The following CNTNAP2 variants were observed in gnomAD, a reference collection of about 807,000 sequenced individuals.
The protein encoded by CNTNAP2 is contactin associated protein 2.
Under a neutral mutation model 155.2 loss-of-function variants are expected in CNTNAP2, and 98 were observed. The observed-to-expected ratio is 0.63, with a 90% CI of 0.54 to 0.75. The LOEUF is 0.75. CNTNAP2 is among the 30% of genes least tolerant of loss of function. The pLI, the probability that CNTNAP2 is intolerant of heterozygous loss-of-function variation, is 0.00. For missense variants in CNTNAP2, 1,727 were observed against 1,688.1 expected (o/e 1.02, Z -0.40); for synonymous variants, 651 against 631.2 (o/e 1.03, Z -0.47).
At chr7:147,331,134 T>C (rs1795558701) in intron 9 of CNTNAP2, among the ~76,000 whole-genome samples, 1 of 151,892 alleles carries the variant, frequency 6.6e-6, no homozygotes, top group Non-Finnish European at 1.5e-5. Flanking sequence ...AAGCAGGAAA[T>C]TATGCACCTG....
At chr7:146,861,039 T>G (rs1034784872) in intron 3 of CNTNAP2, among the ~76,000 whole-genome samples, 11 of 152,116 alleles carry the variant, frequency 7.2e-5, no homozygotes, top group Non-Finnish European at 1.5e-5. Context: ...CGTTTTAATT[T>G]ATTTTCTTTT....
At chr7:148,256,215 T>A (rs1796451015) in intron 20 of CNTNAP2, among the ~76,000 whole-genome samples, 1 of 151,996 alleles carries the variant, frequency 6.6e-6, no homozygotes, top group Non-Finnish European at 1.5e-5. Context: ...CCAAAACCGG[T>A]CGAAGTTGAA....
At chr7:148,357,500 G>A (rs1798539691) in intron 21 of CNTNAP2, among the ~76,000 whole-genome samples, 1 of 152,088 alleles carries the variant, frequency 6.6e-6, no homozygotes, top group African/African-American at 2.4e-5. Flanking sequence ...GCAAATTGTA[G>A]CCCCCGTTCA....
chr7:146,122,406 T>C (rs1376017779), intron 1 of CNTNAP2, among the ~76,000 whole-genome samples: 1 of 152,242 alleles, frequency 6.6e-6, no homozygotes, highest in East Asian at 1.9e-4. Context: ...AATACTTATA[T>C]AAAGAATGTT....
chr7:148,026,089 G>A (rs1349852835), intron 15 of CNTNAP2, among the ~76,000 whole-genome samples: 1 of 152,130 alleles, frequency 6.6e-6, no homozygotes, highest in African/African-American at 2.4e-5. Flanking sequence ...GACAAAGCAG[G>A]CAGATTTACA....
intron 1 of CNTNAP2, among the ~76,000 whole-genome samples, chr7:146,228,100 C>A (rs1289031926): frequency 3.3e-5 from 5 of 152,162 alleles, no homozygotes; most frequent in Non-Finnish European, 7.3e-5. Context: ...GAGAAAAGAG[C>A]TGAAATTCTA....
intron 3 of CNTNAP2, among the ~76,000 whole-genome samples, chr7:146,848,486 A>T (rs778522912): frequency 5.3e-5 from 8 of 152,162 alleles, no homozygotes; most frequent in Non-Finnish European, 1.0e-4. Flanking sequence ...AACATATACA[A>T]TTATAAGTAT....
chr7:146,512,988 T>C (rs1174421976), intron 1 of CNTNAP2, among the ~76,000 whole-genome samples: 1 of 151,970 alleles, frequency 6.6e-6, no homozygotes, highest in Non-Finnish European at 1.5e-5. Context: ...TACCTATATA[T>C]TTACAATTGT....
intron 1 of CNTNAP2, among the ~76,000 whole-genome samples, chr7:146,458,402 C>T (rs554169615): frequency 1.3e-5 from 2 of 152,084 alleles, no homozygotes; most frequent in Non-Finnish European, 2.9e-5. Flanking sequence ...AAAATCCCAT[C>T]TAATACGAAA....
At chr7:146,457,375 A>G (rs1007104548) in intron 1 of CNTNAP2, among the ~76,000 whole-genome samples, 1 of 150,814 alleles carries the variant, frequency 6.6e-6, no homozygotes, top group African/African-American at 2.4e-5. Flanking sequence ...AAAACTAATG[A>G]CTAGAAAGTT....
intron 8 of CNTNAP2, among the ~76,000 whole-genome samples, chr7:147,158,523 T>C (rs74600978): frequency 0.06 from 9,098 of 152,130 alleles, 437 homozygotes; most frequent in African/African-American, 0.13. Context: ...TCCCATCTTA[T>C]TCAGCTGACC....
intron 21 of CNTNAP2, among the ~76,000 whole-genome samples, chr7:148,365,110 A>G (rs541156566): frequency 4.6e-5 from 7 of 152,278 alleles, no homozygotes; most frequent in Non-Finnish European, 8.8e-5. Context: ...CCAGTTCCGG[A>G]CACACTTTCA....
chr7:147,496,764 G>A (rs1798716349), intron 11 of CNTNAP2: 1 of 151,696 alleles, frequency 6.6e-6, no homozygotes, highest in Non-Finnish European at 1.5e-5. Flanking sequence ...AATTCTGAAA[G>A]TTGAATTATT....
At chr7:147,486,104 T>C in intron 11 of CNTNAP2, 63 bp downstream of exon 11, 2 of 1,416,294 alleles carry the variant, frequency 1.4e-6, no homozygotes, top group Non-Finnish European at 1.0e-6. Flanking sequence ...TCTTGAGCTG[T>C]GCTTTGAAGC....
At chr7:146,840,050 A>T (rs567872086) in intron 3 of CNTNAP2, 146 bp downstream of exon 3, 2 of 983,040 alleles carry the variant, frequency 2.0e-6, no homozygotes, top group South Asian at 3.1e-5. Context: ...TGATGGAAGA[A>T]AGTTTCTTCA....
intron 21 of CNTNAP2, among the ~76,000 whole-genome samples, chr7:148,328,058 G>A (rs1797922215): frequency 6.6e-6 from 1 of 152,230 alleles, no homozygotes. Flanking sequence ...TATTCCAGGA[G>A]CTCTGAGGAA....
chr7:147,790,041 A>G (rs1339171418), intron 13 of CNTNAP2, among the ~76,000 whole-genome samples: 2 of 152,092 alleles, frequency 1.3e-5, no homozygotes, highest in African/African-American at 4.8e-5. Flanking sequence ...TTTCATATAT[A>G]CATATATCCT....
At chr7:146,537,439 G>A (rs1797885882) in intron 1 of CNTNAP2, among the ~76,000 whole-genome samples, 1 of 151,938 alleles carries the variant, frequency 6.6e-6, no homozygotes. Flanking sequence ...CAATGTTAAA[G>A]CCTTCAATTA....
chr7:146,187,970 C>G (rs1798647318), intron 1 of CNTNAP2, among the ~76,000 whole-genome samples: 1 of 152,088 alleles, frequency 6.6e-6, no homozygotes, highest in South Asian at 2.1e-4. Context: ...CAGAACAGTT[C>G]CTCTGAGATT....
Sources: gnomAD v4.1 joint callset for allele counts (sites outside exome capture counted in the v4.1 genomes callset) on GRCh38, gnomAD v4.1.1 for gene constraint, MANE v1.5 for transcripts, NCBI Gene and HGNC (gene_info 2026-07-23, HGNC 2026-07-21) for gene names.